The following VPS13C variants were observed in gnomAD, a reference collection of about 807,000 sequenced individuals.
VPS13C encodes the protein vacuolar protein sorting 13 homolog C.
Under a neutral mutation model 456.8 loss-of-function variants are expected in VPS13C, and 358 were observed. The ratio of observed to expected loss-of-function variants is 0.78; its 90% confidence interval spans 0.72 to 0.86. The LOEUF (loss-of-function observed/expected upper bound fraction) is 0.86. Ranked by LOEUF, VPS13C falls within the 40% of genes least tolerant of loss-of-function variation. The probability of loss-of-function intolerance (pLI) is 0.00; values close to 1 mark genes in which losing one functional copy is unlikely to be tolerated. For missense variants in VPS13C, 4,818 were observed against 4,385.4 expected (o/e 1.10, Z -2.79); for synonymous variants, 1,578 against 1,486.7 (o/e 1.06, Z -1.41).
At chr15:62,058,385 T>C (rs1411023276) in intron 1 of VPS13C, among the ~76,000 whole-genome samples, 3 of 152,124 alleles carry the variant, frequency 2.0e-5, no homozygotes. Context: ...GGTGGGGGGA[T>C]GTAAACAAAG....
Position 61,969,472 on chromosome 15 carries a change from T to C in VPS13C, c.2758-20A>G. On this transcript the variant is annotated intron_variant, in intron 27 of 84. Coordinates refer to ENST00000644861, the MANE Select transcript of VPS13C (RefSeq NM_020821.3). ...AATCACCTAAAAGAATTAGAGTCAA[T>C]GAAAAGTTGATAAGAAGTCTGAATC... The C allele has an allele frequency of 1.4e-6, 2 of 1,475,498 alleles. No individual in the cohort carries two copies. Among genetic ancestry groups the C allele is most frequent in the Admixed American group, 2.3e-5 (1 of 42,570 alleles). 91.4% of individuals were successfully genotyped at this position (1,475,498 alleles called of 1,614,324 possible).
intron 3 of VPS13C, among the ~76,000 whole-genome samples, chr15:62,037,690 G>A (rs2048111696): frequency 8.5e-6 from 1 of 117,454 alleles, no homozygotes; most frequent in Admixed American, 1.0e-4. Flanking sequence ...CGTAACATGT[G>A]CATAAATATT....
intron 79 of VPS13C, among the ~76,000 whole-genome samples, chr15:61,871,369 T>C (rs1895017528): frequency 6.6e-6 from 1 of 152,164 alleles, no homozygotes. Flanking sequence ...TATTGAATTA[T>C]CTTGACATCC....
intron 62 of VPS13C, among the ~76,000 whole-genome samples, chr15:61,912,259 C>A (rs922581402): frequency 2.0e-5 from 3 of 152,122 alleles, no homozygotes; most frequent in Admixed American, 6.6e-5. Flanking sequence ...AGATTTAATA[C>A]GTCTAGCATT....
chr15:61,861,379 C>G (rs1246605921), intron 82 of VPS13C, among the ~76,000 whole-genome samples: 1 of 152,120 alleles, frequency 6.6e-6, no homozygotes, highest in South Asian at 2.1e-4. Context: ...CTATGTCATT[C>G]TTGTACATAC....
intron 64 of VPS13C, 24 bp from the exon 65 acceptor site, chr15:61,909,149 T>C (rs770825881): frequency 5.0e-6 from 8 of 1,610,672 alleles, no homozygotes; most frequent in Non-Finnish European, 5.9e-6. Flanking sequence ...AAAAAAAGTA[T>C]GTTTGATGTA....
At chr15:61,980,820 G>GT (rs1465964575) in intron 22 of VPS13C, among the ~76,000 whole-genome samples, 1 of 151,982 alleles carries the variant, frequency 6.6e-6, no homozygotes, top group East Asian at 1.9e-4. Context: ...CAAAGTTTAT[G>GT]TTTTTTTATT....
chr15:62,052,347 C>T (rs1334523532), intron 1 of VPS13C, among the ~76,000 whole-genome samples: 1 of 152,024 alleles, frequency 6.6e-6, no homozygotes, highest in Non-Finnish European at 1.5e-5. Context: ...TAAAGCAAAG[C>T]ATGAATCAAA....
chr15:61,948,169 T>C (rs1374588522), intron 42 of VPS13C, among the ~76,000 whole-genome samples: 2 of 152,224 alleles, frequency 1.3e-5, no homozygotes, highest in Non-Finnish European at 1.5e-5. Context: ...ACTGTTTCTT[T>C]GGGTTAATAG....
chr15:62,036,270 G>T (rs1396813826), intron 3 of VPS13C, among the ~76,000 whole-genome samples: 1 of 151,892 alleles, frequency 6.6e-6, no homozygotes, highest in African/African-American at 2.4e-5. Flanking sequence ...AGAATCACTG[G>T]TGGTTTTTCA....
At chr15:61,898,282 G>A (rs1265247654) in intron 66 of VPS13C, among the ~76,000 whole-genome samples, 1 of 152,068 alleles carries the variant, frequency 6.6e-6, no homozygotes, top group Admixed American at 6.6e-5. Context: ...TGGACTAAAT[G>A]TTCCAATTAA....
chr15:62,029,444 C>T (rs1343193773), intron 5 of VPS13C, among the ~76,000 whole-genome samples: 1 of 152,058 alleles, frequency 6.6e-6, no homozygotes, highest in Non-Finnish European at 1.5e-5. Context: ...TATACTTTCC[C>T]ACCTTCACTG....
At chr15:61,999,529 A>C (rs2046524524) in intron 16 of VPS13C, among the ~76,000 whole-genome samples, 1 of 152,230 alleles carries the variant, frequency 6.6e-6, no homozygotes, top group Non-Finnish European at 1.5e-5. Flanking sequence ...GTACATGGAC[A>C]TCTGTAACTA....
intron 16 of VPS13C, among the ~76,000 whole-genome samples, chr15:61,999,083 T>C (rs2046500140): frequency 6.6e-6 from 1 of 152,132 alleles, no homozygotes; most frequent in South Asian, 2.1e-4. Context: ...TTGAAGAATC[T>C]AAAGTTATAC....
chr15:62,038,414 C>T (rs1459037234), intron 3 of VPS13C, among the ~76,000 whole-genome samples: 1 of 151,984 alleles, frequency 6.6e-6, no homozygotes, highest in African/African-American at 2.4e-5. Context: ...CATGATGAAA[C>T]TGTATCTCTA....
At chr15:62,059,658 G>T (rs182287175) in intron 1 of VPS13C, among the ~76,000 whole-genome samples, 16 of 152,200 alleles carry the variant, frequency 1.1e-4, no homozygotes, top group Admixed American at 2.6e-4. Flanking sequence ...TCGTATTGAC[G>T]GAAAAGTAAA....
chr15:61,898,917 T>G lies in VPS13C; in HGVS notation c.9105+8347A>C, dbSNP rs941918661. On this transcript the variant is annotated intron_variant, in intron 66 of 84. Coordinates refer to ENST00000644861, the MANE Select transcript of VPS13C (RefSeq NM_020821.3). ...TAGCAAACTATCTCTCAGACCACAG[T>G]GCAATCAAACTAGAACTCAGTATTA... 7.9e-5 allele frequency among the ~76,000 whole-genome samples: 8 copies of G among 101,562 alleles called. 1 individual carries two copies. The highest frequency in any genetic ancestry group is 7.6e-4 in the East Asian group (3 of 3,958). The allele number at this position is 101,562 out of a possible 152,430, so 66.6% of individuals were successfully genotyped here.
At chr15:61,856,549 C>T in intron 82 of VPS13C, 140 bp from the exon 83 acceptor site, 1 of 941,794 alleles carries the variant, frequency 1.1e-6, no homozygotes, top group Non-Finnish European at 1.5e-6. Flanking sequence ...AAACCTGCTT[C>T]ATTTTTTTTA....
chr15:61,859,011 A>G (rs1274017786), intron 82 of VPS13C, among the ~76,000 whole-genome samples: 5 of 152,166 alleles, frequency 3.3e-5, no homozygotes, highest in East Asian at 1.9e-4. Context: ...TGTGGGGTAG[A>G]AAAAAAGAGA....
Sources: gnomAD v4.1 joint callset for allele counts (sites outside exome capture counted in the v4.1 genomes callset) on GRCh38, gnomAD v4.1.1 for gene constraint, MANE v1.5 for transcripts, NCBI Gene and HGNC (gene_info 2026-07-23, HGNC 2026-07-21) for gene names.